The following HPSE variants were observed in gnomAD, a reference collection of about 807,000 sequenced individuals.
HPSE encodes heparanase.
HPSE carries 48 observed loss-of-function variants against 65.1 expected under a neutral mutation model. The ratio of observed to expected loss-of-function variants is 0.74; its 90% CI spans 0.58 to 0.94. The LOEUF is 0.94. Among genes scored for constraint, HPSE ranks in the 40% least tolerant of loss-of-function variants. The pLI is 0.00. For synonymous variants in HPSE, 243 were observed against 260.0 expected (o/e 0.93, Z 0.63); for missense variants, 644 against 637.5 (o/e 1.01, Z -0.11).
At chr4:83,318,666 C>A (rs556438030) in intron 3 of HPSE, among the ~76,000 whole-genome samples, 1 of 147,646 alleles carries the variant, frequency 6.8e-6, no homozygotes, top group Non-Finnish European at 1.5e-5. Flanking sequence ...GCCAAGATTG[C>A]GCCATTGCAC....
chr4:83,322,405 A>G, intron 1 of HPSE, 41 bp from the exon 2 acceptor site: 3 of 1,540,102 alleles, frequency 1.9e-6, no homozygotes, highest in Non-Finnish European at 2.6e-6. Flanking sequence ...TATTTTTTCC[A>G]AGACAATCTA....
intron 8 of HPSE, among the ~76,000 whole-genome samples, chr4:83,307,502 T>C (rs757643307): frequency 2.0e-5 from 3 of 152,202 alleles, no homozygotes; most frequent in Non-Finnish European, 4.4e-5. Context: ...AGGTATCCCT[T>C]TCAGGGTGAG....
At chr4:83,306,122 T>C in intron 9 of HPSE, 81 bp downstream of exon 9, 1 of 759,844 alleles carries the variant, frequency 1.3e-6, no homozygotes, top group Non-Finnish European at 2.3e-6. Context: ...GAGGACTGAC[T>C]GTTCATAGGA....
intron 3 of HPSE, among the ~76,000 whole-genome samples, chr4:83,315,302 A>G (rs1032933354): frequency 2.6e-5 from 4 of 152,202 alleles, no homozygotes; most frequent in Admixed American, 2.6e-4. Flanking sequence ...AATGACAGAC[A>G]TTTGGGTTTG....
chr4:83,296,026 T>C (rs1313388512), intron 11 of HPSE, among the ~76,000 whole-genome samples: 1 of 152,238 alleles, frequency 6.6e-6, no homozygotes, highest in Non-Finnish European at 1.5e-5. Context: ...ATTCATTTTC[T>C]TACTGTTATT....
intron 9 of HPSE, among the ~76,000 whole-genome samples, chr4:83,305,981 C>A (rs1736132919): frequency 2.6e-5 from 4 of 152,154 alleles, no homozygotes; most frequent in Non-Finnish European, 5.9e-5. Flanking sequence ...CACTATACTG[C>A]AAATGGCTTA....
intron 2 of HPSE, among the ~76,000 whole-genome samples, chr4:83,321,365 G>C (rs1032396521): frequency 2.0e-5 from 3 of 151,886 alleles, no homozygotes; most frequent in Non-Finnish European, 4.4e-5. Context: ...ATAAACAGAA[G>C]GAAAAGATAT....
At chr4:83,323,735 A>C (rs1323966155) in intron 1 of HPSE, among the ~76,000 whole-genome samples, 1 of 152,210 alleles carries the variant, frequency 6.6e-6, no homozygotes, top group Non-Finnish European at 1.5e-5. Flanking sequence ...TCTAATTTGA[A>C]CAATTCTAAA....
chr4:83,300,067 T>C (rs1184216132), intron 11 of HPSE, among the ~76,000 whole-genome samples: 1 of 152,196 alleles, frequency 6.6e-6, no homozygotes, highest in African/African-American at 2.4e-5. Flanking sequence ...CCAACATACA[T>C]TGAACAGAAA....
intron 9 of HPSE, among the ~76,000 whole-genome samples, chr4:83,303,889 A>G (rs1736055404): frequency 6.6e-6 from 1 of 152,178 alleles, no homozygotes. Flanking sequence ...GTAATCTAAT[A>G]GGTAGGAGGT....
rs1475585312 is a variant in HPSE at position 83,295,488 on chromosome 4, A to G, written c.1488T>C (p.Asn496=). The change falls in exon 12 of 12, where the codon AAT becomes AAC. Residue 496 remains asparagine (N), a synonymous_variant. Transcript: ENST00000311412. ...CATCCACCATCTTTAGAGTTAGACC[A>G]TTGAGTTGGACAGATCTGCAAAGGA... ...HGLLSKSVQL[N]GLTLKMVDDQ... The G allele has an allele frequency of 1.9e-6, 3 of 1,606,688 alleles. No homozygotes were observed. Among genetic ancestry groups the G allele is most frequent in the African/African-American group, 2.7e-5 (2 of 74,754 alleles).
rs781076238 is a variant in HPSE at position 83,310,773 on chromosome 4, T to C, written c.791A>G (p.Tyr264Cys). 2.8e-5 allele frequency: 46 copies of C among 1,614,192 alleles called. No individual in the cohort carries two copies. The highest frequency in any genetic ancestry group is 1.6e-4 in the Middle Eastern group (1 of 6,062). The change falls in exon 5 of 12, where the codon TAT becomes TGT. Residue 264 changes from tyrosine (Y) to cysteine (C), a missense_variant. Physicochemically the swap from Tyr to Cys is radical, Grantham distance 194. Coordinates refer to ENST00000311412, the MANE Select transcript of HPSE (RefSeq NM_001098540.3). ...RKSTFKNAKL[Y>C]GPDVGQPRRK... ...TCGAGGCTGACCAACATCAGGACCA[T>C]AGAGTTTTGCATTTTTGAAGGTGGA... is the stretch of plus-strand genomic sequence containing the variant.
Position 83,332,980 on chromosome 4 carries a change from T to C in HPSE, c.227+1576A>G, listed in dbSNP as rs746510149. Among the ~76,000 whole-genome samples, 25 of 150,682 alleles carry C rather than the reference T, an allele frequency of 1.7e-4. 1 individual carries two copies. The highest frequency in any genetic ancestry group is 3.4e-3 in the Middle Eastern group (1 of 292). ...TGGGGTCCTGTGATCTGGAGCCCTA[T>C]GGTTCAGCATTTCTCTGGAACAATC... On this transcript the variant is annotated intron_variant, in intron 1 of 11. Coordinates refer to ENST00000311412, the MANE Select transcript of HPSE (RefSeq NM_001098540.3).
intron 11 of HPSE, among the ~76,000 whole-genome samples, chr4:83,297,802 A>C (rs567751639): frequency 6.6e-6 from 1 of 152,356 alleles, no homozygotes; most frequent in East Asian, 1.9e-4. Context: ...GAAGGGGGAA[A>C]TGCCATGACC....
chr4:83,333,754 A>T (rs1737492636), intron 1 of HPSE, among the ~76,000 whole-genome samples: 1 of 151,688 alleles, frequency 6.6e-6, no homozygotes, highest in African/African-American at 2.4e-5. Context: ...TTTTATTAGG[A>T]CTTTGTAAGT....
chr4:83,321,834 C>T (rs1736904088), intron 2 of HPSE, among the ~76,000 whole-genome samples: 1 of 152,064 alleles, frequency 6.6e-6, no homozygotes, highest in African/African-American at 2.4e-5. Context: ...AATAAATATC[C>T]TTCAATCTAT....
intron 3 of HPSE, among the ~76,000 whole-genome samples, chr4:83,316,956 G>A (rs556656955): frequency 1.3e-5 from 2 of 151,994 alleles, no homozygotes; most frequent in Non-Finnish European, 2.9e-5. Context: ...GCTAGCGTGC[G>A]GTGGCGCAAT....
intron 9 of HPSE, among the ~76,000 whole-genome samples, chr4:83,305,526 A>G (rs1736117518): frequency 6.6e-6 from 1 of 152,240 alleles, no homozygotes; most frequent in Non-Finnish European, 1.5e-5. Context: ...TTTAGGAATT[A>G]TTCTTAGAAA....
At chr4:83,316,311 GCCA>G (rs1376468114) in intron 3 of HPSE, among the ~76,000 whole-genome samples, 1 of 149,362 alleles carries the variant, frequency 6.7e-6, no homozygotes, top group Admixed American at 6.7e-5. Context: ...ACAGGCGTGA[GCCA>G]CCACGTCTGG....
Sources: allele counts gnomAD v4.1 joint callset (sites outside exome capture counted in the v4.1 genomes callset), GRCh38; gene constraint gnomAD v4.1.1; transcripts MANE v1.5; gene names NCBI Gene and HGNC (gene_info 2026-07-23, HGNC 2026-07-21).